The following MDGA2 variants were observed in gnomAD, a reference collection of about 807,000 sequenced individuals.
The protein encoded by MDGA2 is MAM domain-containing glycosylphosphatidylinositol anchor protein 2.
Under a neutral mutation model 117.8 loss-of-function variants are expected in MDGA2, and 40 were observed. The ratio of observed to expected loss-of-function variants is 0.34; its 90% CI spans 0.26 to 0.44. The LOEUF (loss-of-function observed/expected upper bound fraction) is 0.44, where lower values mean the gene tolerates loss of function less well. Ranked by LOEUF, MDGA2 falls within the 20% of genes least tolerant of loss-of-function variation. The pLI, the probability that MDGA2 is intolerant of heterozygous loss-of-function variation, is 1.00. For missense variants in MDGA2, 1,123 were observed against 1,250.6 expected (o/e 0.90, Z 1.54); for synonymous variants, 452 against 439.0 (o/e 1.03, Z -0.37).
At position 47,380,326 on chromosome 14, in the gene MDGA2, C is replaced by A. The variant is rs543783091; in HGVS notation, c.281-78776G>T. Among the ~76,000 whole-genome samples, 11 of 152,180 alleles carry A rather than the reference C, an allele frequency of 7.2e-5. No homozygotes were observed. In the East Asian group the frequency reaches 1.9e-3, roughly 27 times the overall value. Reference sequence around the variant, plus strand: ...ATTAAAAGAACTACAAAAGCAAGAGCAAACACATTCAAAAGCTAGCAGAAG... The same window carrying A: ...ATTAAAAGAACTACAAAAGCAAGAGAAAACACATTCAAAAGCTAGCAGAAG... On this transcript the variant is annotated intron_variant, in intron 1 of 16. Transcript: ENST00000399232.
At chr14:47,021,897 A>G (rs1888298477) in intron 8 of MDGA2, among the ~76,000 whole-genome samples, 1 of 152,098 alleles carries the variant, frequency 6.6e-6, no homozygotes. Flanking sequence ...TCATGCCCCT[A>G]TTCCAGACTG....
chr14:47,644,881 C>G (rs1007358062), intron 1 of MDGA2, among the ~76,000 whole-genome samples: 1 of 151,978 alleles, frequency 6.6e-6, no homozygotes, highest in Non-Finnish European at 1.5e-5. Flanking sequence ...ATATATCTAT[C>G]TTAAAATAAT....
intron 3 of MDGA2, among the ~76,000 whole-genome samples, chr14:47,177,337 AAG>A (rs1884505967): frequency 6.6e-6 from 1 of 152,184 alleles, no homozygotes; most frequent in South Asian, 2.1e-4. Context: ...TGCTGCTATA[AAG>A]ACACATGCAC....
chr14:47,053,197 G>A (rs1889518143), intron 7 of MDGA2, among the ~76,000 whole-genome samples: 1 of 151,782 alleles, frequency 6.6e-6, no homozygotes, highest in Admixed American at 6.6e-5. Context: ...ATTCTCATTT[G>A]CTTCACAGTT....
intron 8 of MDGA2, among the ~76,000 whole-genome samples, chr14:46,994,392 T>C (rs1412155388): frequency 2.0e-5 from 3 of 152,274 alleles, no homozygotes; most frequent in South Asian, 2.1e-4. Flanking sequence ...AGGACTGCAA[T>C]TGGTGTCAGG....
chr14:46,954,736 A>G lies in MDGA2; in HGVS notation c.2089+2638T>C, dbSNP rs142250361. On this transcript the variant is annotated intron_variant, in intron 9 of 16. Transcript: ENST00000399232. ...TTAACTTAATTACATATGTTGCCAT[A>G]TAAGTTAATATCCACAGGTTCCAGG... Among the ~76,000 whole-genome samples the G allele has an allele frequency of 1.6e-3, 242 of 152,194 alleles. 4 individuals are homozygous for G. The highest frequency in any genetic ancestry group is 5.4e-3 in the African/African-American group (224 of 41,546).
rs997825610 is a variant in MDGA2 at position 47,674,741 on chromosome 14, C to T, written c.56G>A (p.Arg19Lys). The stretch of plus-strand genomic sequence containing the variant: ...AAGGAGGAAGCGCCGTCCGTCTGTC[C>T]TTCCCCGGCGGCGGCGGCGAGCGGA... ...LRSARRRRRGRTDGRRFLLRR... is the reference protein window; with the variant it reads ...LRSARRRRRGKTDGRRFLLRR... The change falls in exon 1 of 17, where the codon AGG becomes AAG. Residue 19 changes from arginine to lysine, a missense_variant. Transcript: ENST00000399232. 6.6e-6 allele frequency: 5 copies of T among 757,378 alleles called. No individual in the cohort carries two copies. Among genetic ancestry groups the T allele is most frequent in the African/African-American group, 5.2e-5 (3 of 57,734 alleles). The allele number at this position is 757,378 out of a possible 1,614,324, so 46.9% of individuals were successfully genotyped here.
intron 1 of MDGA2, among the ~76,000 whole-genome samples, chr14:47,359,622 C>A (rs1478353014): frequency 6.0e-5 from 9 of 150,590 alleles, no homozygotes; most frequent in African/African-American, 2.2e-4. Flanking sequence ...TTATCTTTCA[C>A]CATACATAAA....
At chr14:47,553,575 T>C (rs573829076) in intron 1 of MDGA2, among the ~76,000 whole-genome samples, 1 of 152,206 alleles carries the variant, frequency 6.6e-6, no homozygotes, top group African/African-American at 2.4e-5. Flanking sequence ...AAATGTCACC[T>C]CTATTTTAAT....
chr14:47,241,911 C>T (rs184986831), intron 2 of MDGA2, among the ~76,000 whole-genome samples: 14 of 151,970 alleles, frequency 9.2e-5, no homozygotes, highest in African/African-American at 2.9e-4. Flanking sequence ...GAAGAAGGTA[C>T]TCTTTTTTCT....
intron 9 of MDGA2, among the ~76,000 whole-genome samples, chr14:46,947,141 A>T (rs1885199083): frequency 1.3e-5 from 2 of 152,070 alleles, no homozygotes; most frequent in Admixed American, 1.3e-4. Flanking sequence ...TGTAAGATAA[A>T]CTTTTAGAAT....
chr14:47,172,463 C>A (rs1278827179), intron 3 of MDGA2, among the ~76,000 whole-genome samples: 2 of 151,992 alleles, frequency 1.3e-5, no homozygotes, highest in East Asian at 1.9e-4. Flanking sequence ...TCCAGCGGAA[C>A]GATCAGAGAG....
chr14:46,962,621 T>C (rs7156807), intron 8 of MDGA2, among the ~76,000 whole-genome samples: 17,919 of 152,166 alleles, frequency 0.12, 2,002 homozygotes, highest in African/African-American at 0.27. Context: ...AATATTAATT[T>C]TACAATATTG....
intron 16 of MDGA2, among the ~76,000 whole-genome samples, chr14:46,845,203 G>C (rs569893482): frequency 6.6e-6 from 1 of 152,128 alleles, no homozygotes; most frequent in Non-Finnish European, 1.5e-5. Context: ...TTTTATAAGG[G>C]GCACTTCCCC....
chr14:47,166,754 C>T (rs1883895796), intron 3 of MDGA2, among the ~76,000 whole-genome samples: 1 of 152,144 alleles, frequency 6.6e-6, no homozygotes, highest in Non-Finnish European at 1.5e-5. Flanking sequence ...TGAACCGTCA[C>T]AACAAAAACT....
rs552937230 is a variant in MDGA2 at position 47,603,800 on chromosome 14, G to A, written c.280+70717C>T. On this transcript the variant is annotated intron_variant, in intron 1 of 16. Coordinates refer to ENST00000399232, the MANE Select transcript of MDGA2 (RefSeq NM_001113498.3). ...CGGGTGAGGGGTGACTGGATCACAG[G>A]GGCAGATCCAGTGGATGGCTTAGCA... 6.4e-4 allele frequency among the ~76,000 whole-genome samples: 97 copies of A among 152,212 alleles called. 1 individual carries two copies. The highest frequency in any genetic ancestry group is 2.7e-3 in the Admixed American group (41 of 15,284).
intron 10 of MDGA2, among the ~76,000 whole-genome samples, chr14:46,896,542 T>C (rs1214844421): frequency 6.6e-6 from 1 of 152,122 alleles, no homozygotes; most frequent in Non-Finnish European, 1.5e-5. Context: ...ATTACTGTTA[T>C]ATATTTGATA....
At chr14:47,022,556 T>C (rs1205719786) in intron 8 of MDGA2, among the ~76,000 whole-genome samples, 1 of 152,124 alleles carries the variant, frequency 6.6e-6, no homozygotes, top group Non-Finnish European at 1.5e-5. Context: ...GAAAAATGTC[T>C]CCGTATATTA....
chr14:47,326,663 A>G (rs1372390290), intron 1 of MDGA2, among the ~76,000 whole-genome samples: 1 of 149,562 alleles, frequency 6.7e-6, no homozygotes, highest in East Asian at 2.0e-4. Flanking sequence ...TCATCCCTCT[A>G]CCCTGAAGCC....
Sources: gnomAD v4.1 joint callset for allele counts (sites outside exome capture counted in the v4.1 genomes callset) on GRCh38, gnomAD v4.1.1 for gene constraint, MANE v1.5 for transcripts, NCBI Gene and HGNC (gene_info 2026-07-23, HGNC 2026-07-21) for gene names.